Variants in PLEKHB1 observed in about 807,000 individuals in gnomAD.
The protein encoded by PLEKHB1 is pleckstrin homology domain-containing family B member 1.
Under a neutral mutation model 36.2 loss-of-function variants are expected in PLEKHB1, and 29 were observed. The observed-to-expected ratio is 0.80, with a 90% CI of 0.60 to 1.09. PLEKHB1 has a LOEUF of 1.09. Ranked by LOEUF, PLEKHB1 falls within the 50% of genes least tolerant of loss-of-function variation. PLEKHB1 has a pLI of 0.00. For synonymous variants in PLEKHB1, 138 were observed against 140.0 expected, an observed-to-expected ratio of 0.99 and a Z score of 0.10; for missense variants, 330 against 348.2, an observed-to-expected ratio of 0.95 and a Z score of 0.42.
chr11:73,661,065 G>A lies in PLEKHB1; in HGVS notation c.595+213G>A. 1.7e-6 allele frequency: 1 copy of A among 604,266 alleles called. No individual in the cohort carries two copies. The allele number at this position is 604,266 out of a possible 1,614,324, so 37.4% of individuals were successfully genotyped here. On this transcript the variant is annotated intron_variant, in intron 7 of 7. Transcript: ENST00000354190. The surrounding 1 kb of genome is among the most constrained non-coding windows in gnomAD (Gnocchi z 4.6). Reference sequence around the variant, plus strand: ...GAGCTGACCTCACCCTTCTGGGATGGCTCCTCAGCCCTGCGGTCGGCAATA... The same window carrying A: ...GAGCTGACCTCACCCTTCTGGGATGACTCCTCAGCCCTGCGGTCGGCAATA...
chr11:73,656,834 C>T (rs999512193), intron 6 of PLEKHB1, among the ~76,000 whole-genome samples: 2 of 152,210 alleles, frequency 1.3e-5, no homozygotes, highest in Non-Finnish European at 2.9e-5. Flanking sequence ...GGCATGGGGC[C>T]TAGGCCTAGG....
chr11:73,655,261 C>T (rs756204347), intron 5 of PLEKHB1, among the ~76,000 whole-genome samples: 4 of 152,288 alleles, frequency 2.6e-5, no homozygotes, highest in South Asian at 4.2e-4. Flanking sequence ...TTACTAGAGT[C>T]GGGGTGTATT....
chr11:73,655,460 C>T (rs1010606034), intron 5 of PLEKHB1, among the ~76,000 whole-genome samples: 1 of 152,122 alleles, frequency 6.6e-6, no homozygotes, highest in East Asian at 1.9e-4. Context: ...CAGCTAGGGA[C>T]GAGGCTGGGG....
chr11:73,647,182 T>C (rs1944785177), intron 1 of PLEKHB1, among the ~76,000 whole-genome samples: 1 of 152,212 alleles, frequency 6.6e-6, no homozygotes, highest in East Asian at 1.9e-4. Flanking sequence ...CCTTTCAGCC[T>C]CCTCTGGGAA....
At chr11:73,658,323 CT>C (rs968777136) in intron 6 of PLEKHB1, among the ~76,000 whole-genome samples, 4 of 152,246 alleles carry the variant, frequency 2.6e-5, no homozygotes, top group African/African-American at 9.6e-5. Context: ...TACCACCAAA[CT>C]TCTTGAAAGA....
chr11:73,656,315 G>A (rs1944993607), intron 6 of PLEKHB1, among the ~76,000 whole-genome samples: 1 of 152,176 alleles, frequency 6.6e-6, no homozygotes, highest in African/African-American at 2.4e-5. Context: ...ATTCCTGTCT[G>A]TGTAGTCTTC....
intron 4 of PLEKHB1, chr11:73,652,749 C>T (rs1323501324): frequency 2.0e-6 from 1 of 494,564 alleles, no homozygotes; most frequent in Admixed American, 3.4e-5. Flanking sequence ...GAAACTGGAA[C>T]TTCTAGAGGG....
At chr11:73,647,543 C>T (rs747909772) in intron 1 of PLEKHB1, 146 of 985,344 alleles carry the variant, frequency 1.5e-4, no homozygotes, top group Non-Finnish European at 1.7e-4. Context: ...AGCATCTCTT[C>T]ACGTCACTCC....
intron 3 of PLEKHB1, 65 bp from the exon 4 acceptor site, chr11:73,651,723 C>T (rs191929038): frequency 9.4e-5 from 127 of 1,346,182 alleles, no homozygotes; most frequent in Middle Eastern, 3.6e-4. Context: ...ATTCCTGTCC[C>T]TGCTTTACTG....
chr11:73,660,756 C>G lies in PLEKHB1; in HGVS notation c.499C>G (p.Arg167Gly). The change falls in exon 7 of 8, where the codon CGC (arginine) becomes GGC (glycine). Residue 167 changes from arginine to glycine, a missense_variant. Coordinates refer to ENST00000354190, the MANE Select transcript of PLEKHB1 (RefSeq NM_021200.3). ...PCKVERRIWVRVYSPYQDYYE... is the reference protein window; with the variant it reads ...PCKVERRIWVGVYSPYQDYYE... ...CTGACATGGTTGGATTCCCCAGGTGCGCGTCTACAGCCCGTACCAAGACTA... is the reference window on the plus strand; with the variant it reads ...CTGACATGGTTGGATTCCCCAGGTGGGCGTCTACAGCCCGTACCAAGACTA... 6.3e-7 allele frequency: 1 copy of G among 1,589,210 alleles called. No individual in the cohort carries two copies. The highest frequency in any genetic ancestry group is 8.6e-7 in the Non-Finnish European group (1 of 1,169,230).
At chr11:73,660,994 C>G (rs1433202815) in intron 7 of PLEKHB1, 142 bp downstream of exon 7, 8 of 761,940 alleles carry the variant, frequency 1.0e-5, no homozygotes, top group African/African-American at 3.4e-5. Flanking sequence ...CCGCAAGCCC[C>G]TCTCCATCCT....
At chr11:73,646,651 G>C (rs947755767) in intron 1 of PLEKHB1, 25 bp downstream of exon 1, 3 of 1,551,466 alleles carry the variant, frequency 1.9e-6, no homozygotes, top group Non-Finnish European at 2.6e-6. Context: ...TCTGGGACAG[G>C]AGGAAGGGCC....
rs754703598 is a variant in PLEKHB1 at position 73,655,870 on chromosome 11, G to T, written c.458G>T (p.Arg153Leu). The change falls in exon 6 of 8, where the codon CGC becomes CTC. Residue 153 changes from arginine to leucine, a missense_variant. By Grantham distance (102) the Arg-to-Leu change is moderately radical. Transcript: ENST00000354190. ...RVCSKVRCVT[R>L]SWSPCKVERR... ...TGCTCCAAGGTCAGGTGTGTGACCC[G>T]CTCGTGGAGCCCCTGTAAGGTTGAG... 1.9e-6 allele frequency: 3 copies of T among 1,613,766 alleles called. No individual in the cohort carries two copies. The highest frequency in any genetic ancestry group is 1.1e-5 in the South Asian group (1 of 91,080).
chr11:73,662,494 C>T lies in PLEKHB1; in HGVS notation c.*892C>T, dbSNP rs776605381. On this transcript the variant is annotated 3_prime_UTR_variant, in exon 8 of 8. Transcript: ENST00000354190. ...AGAAATGCCTCTCACACCAGGAGCT[C>T]GGCCCTCTCTTTGTAGCTGTGACTG... The T allele has an allele frequency of 6.6e-6, 1 of 152,560 alleles. No individual in the cohort carries two copies. Among genetic ancestry groups the T allele is most frequent in the Non-Finnish European group, 1.5e-5 (1 of 68,144 alleles). 9.5% of individuals were successfully genotyped at this position (152,560 alleles called of 1,614,324 possible).
intron 2 of PLEKHB1, among the ~76,000 whole-genome samples, 190 bp downstream of exon 2, chr11:73,649,277 G>A (rs904456117): frequency 2.6e-5 from 4 of 152,008 alleles, no homozygotes; most frequent in Admixed American, 1.3e-4. Context: ...TGTTCATCAC[G>A]ACCCATCTCA....
intron 6 of PLEKHB1, among the ~76,000 whole-genome samples, chr11:73,657,480 C>T (rs1407647346): frequency 6.6e-6 from 1 of 152,178 alleles, no homozygotes. Flanking sequence ...CTGGTTGTAC[C>T]CACAAAGTAG....
chr11:73,660,856 A>G lies in PLEKHB1; in HGVS notation c.595+4A>G. On this transcript the variant is annotated splice_donor_region_variant and intron_variant, in intron 7 of 7. Transcript: ENST00000354190. ...TACTACGGACCGCCCTACGCAGGTA[A>G]GTCTCCAGCGTGCCCCGGGGCTTGC... is the stretch of plus-strand genomic sequence containing the variant. The G allele has an allele frequency of 6.3e-7, 1 of 1,578,418 alleles. No individual in the cohort carries two copies. The highest frequency in any genetic ancestry group is 1.2e-5 in the South Asian group (1 of 85,726).
intron 6 of PLEKHB1, 98 bp downstream of exon 6, chr11:73,656,005 A>G: frequency 3.1e-6 from 3 of 978,782 alleles, no homozygotes; most frequent in Middle Eastern, 2.4e-4. Context: ...CAAACATTCC[A>G]TGGCTCCCTA....
At chr11:73,654,237 G>A (rs554672398) in intron 5 of PLEKHB1, among the ~76,000 whole-genome samples, 6 of 152,284 alleles carry the variant, frequency 3.9e-5, no homozygotes, top group East Asian at 1.9e-4. Context: ...TGGAAGTGGC[G>A]GTTTGAAGAG....
Sources: allele counts gnomAD v4.1 joint callset (sites outside exome capture counted in the v4.1 genomes callset), GRCh38; gene constraint gnomAD v4.1.1; non-coding constraint Gnocchi (gnomAD v3.1); transcripts MANE v1.5; gene names NCBI Gene and HGNC (gene_info 2026-07-23, HGNC 2026-07-21).